AEBP2: variants seen among roughly 807,000 people sequenced by gnomAD.
AEBP2 encodes AE binding protein 2.
Under a neutral mutation model 50.8 loss-of-function variants are expected in AEBP2, and 10 were observed. The ratio of observed to expected loss-of-function variants is 0.20; its 90% CI spans 0.12 to 0.33. AEBP2 has a LOEUF of 0.33. Among genes scored for constraint, AEBP2 ranks in the 10% least tolerant of loss-of-function variants. The pLI is 1.00. For missense variants in AEBP2, 570 were observed against 688.0 expected (o/e 0.83, Z 1.92); for synonymous variants, 296 against 261.3 (o/e 1.13, Z -1.28).
intron 5 of AEBP2, among the ~76,000 whole-genome samples, chr12:19,504,380 G>GCCCC (rs55796210): frequency 0.016 from 2,344 of 148,980 alleles, 24 homozygotes; most frequent in East Asian, 0.025. Flanking sequence ...GAATACAGGC[G>GCCCC]CCCCCCCCAC....
intron 1 of AEBP2, among the ~76,000 whole-genome samples, chr12:19,455,483 T>TTATGGA (rs1434841714): frequency 6.6e-6 from 1 of 152,182 alleles, no homozygotes; most frequent in Non-Finnish European, 1.5e-5. Flanking sequence ...CATCCATGTA[T>TTATGGA]TGCTTCCTAT....
intron 5 of AEBP2, among the ~76,000 whole-genome samples, chr12:19,509,942 C>T (rs1314338624): frequency 6.9e-6 from 1 of 145,884 alleles, no homozygotes; most frequent in East Asian, 2.0e-4. Flanking sequence ...AAGCAATTCT[C>T]CTGCCTCAGC....
chr12:19,514,574 G>A, intron 6 of AEBP2, 97 bp from the exon 7 acceptor site: 1 of 936,812 alleles, frequency 1.1e-6, no homozygotes, highest in East Asian at 2.7e-5. Context: ...AACGTGGACT[G>A]ATCAAAGTAG....
intron 3 of AEBP2, among the ~76,000 whole-genome samples, chr12:19,478,142 T>C (rs1948677695): frequency 6.6e-6 from 1 of 152,230 alleles, no homozygotes; most frequent in South Asian, 2.1e-4. Flanking sequence ...CTTGTTCATT[T>C]ACCTTTTGTA....
chr12:19,497,328 G>GT (rs34011915), intron 4 of AEBP2, among the ~76,000 whole-genome samples: 34,553 of 78,388 alleles, frequency 0.44, 8,488 homozygotes, highest in Non-Finnish European at 0.53. Context: ...TTCCAAAGGT[G>GT]TTTTTTTTTT....
chr12:19,502,139 C>CT (rs1034186831), intron 5 of AEBP2, among the ~76,000 whole-genome samples: 5 of 151,740 alleles, frequency 3.3e-5, no homozygotes, highest in Admixed American at 6.6e-5. Context: ...TTTGTACCTA[C>CT]TTTTTTTTCT....
intron 7 of AEBP2, 23 bp from the exon 8 acceptor site, chr12:19,518,064 G>T: frequency 6.3e-7 from 1 of 1,587,786 alleles, no homozygotes; most frequent in Non-Finnish European, 8.6e-7. Context: ...TGAATAAAAG[G>T]ATTTCTTTTT....
At chr12:19,473,212 T>C in intron 2 of AEBP2, 36 bp from the exon 3 acceptor site, 1 of 1,043,298 alleles carries the variant, frequency 9.6e-7, no homozygotes, top group Non-Finnish European at 1.3e-6. Flanking sequence ...TTGAGATAAG[T>C]CATGAAAATT....
intron 3 of AEBP2, among the ~76,000 whole-genome samples, chr12:19,482,918 G>A (rs1156521808): frequency 3.3e-5 from 5 of 152,108 alleles, no homozygotes; most frequent in African/African-American, 1.2e-4. Flanking sequence ...CCCATGCAGT[G>A]GGTGAAGCCA....
At chr12:19,475,837 A>G (rs968207209) in intron 3 of AEBP2, among the ~76,000 whole-genome samples, 1 of 152,038 alleles carries the variant, frequency 6.6e-6, no homozygotes, top group Non-Finnish European at 1.5e-5. Context: ...AGAAATGCTT[A>G]TTCATGTAAT....
Position 19,441,605 on chromosome 12 carries a change from G to A in AEBP2, c.671+1235G>A, listed in dbSNP as rs530673990. 3.3e-4 allele frequency among the ~76,000 whole-genome samples: 51 copies of A among 152,318 alleles called. 1 individual carries two copies. In the South Asian group the frequency reaches 0.011, roughly 32 times the overall value. On this transcript the variant is annotated intron_variant, in intron 1 of 7. Coordinates refer to ENST00000266508, the MANE Select transcript of AEBP2 (RefSeq NM_153207.5). ...AGTATTTAATGCTACAAGTAATACA[G>A]AGTCCTGGATATTTTGAAAATCTGG...
chr12:19,417,884 T>C (rs949645820), intron 1 of AEBP2, among the ~76,000 whole-genome samples: 1 of 152,028 alleles, frequency 6.6e-6, no homozygotes, highest in Non-Finnish European at 1.5e-5. Flanking sequence ...TTTGTGTTTT[T>C]AGTAGAGATG....
intron 1 of AEBP2, among the ~76,000 whole-genome samples, chr12:19,409,764 TGTC>T (rs2095738291): frequency 1.3e-5 from 2 of 152,200 alleles, no homozygotes; most frequent in Non-Finnish European, 2.9e-5. Flanking sequence ...TTCATTATAA[TGTC>T]GTGGGCTTTG....
At chr12:19,457,410 A>C in intron 1 of AEBP2, 1 of 1,487,128 alleles carries the variant, frequency 6.7e-7, no homozygotes, top group Non-Finnish European at 9.2e-7. Context: ...GCTGTTCTCA[A>C]ATTTCCACAA....
intron 1 of AEBP2, among the ~76,000 whole-genome samples, chr12:19,416,913 C>T (rs1336703874): frequency 1.4e-5 from 2 of 141,964 alleles, no homozygotes; most frequent in African/African-American, 5.3e-5. Flanking sequence ...GCTCTGTCGC[C>T]CGGGCTGGAG....
At chr12:19,503,078 C>T (rs1311999665) in intron 5 of AEBP2, among the ~76,000 whole-genome samples, 1 of 152,142 alleles carries the variant, frequency 6.6e-6, no homozygotes, top group Non-Finnish European at 1.5e-5. Flanking sequence ...TCTTTGCGCT[C>T]CTTTTCATTC....
intron 1 of AEBP2, among the ~76,000 whole-genome samples, chr12:19,432,215 G>T (rs1034084024): frequency 2.0e-5 from 3 of 152,074 alleles, no homozygotes; most frequent in Admixed American, 2.0e-4. Flanking sequence ...CAAATCTGTC[G>T]CCAGTCTAGG....
intron 5 of AEBP2, among the ~76,000 whole-genome samples, chr12:19,500,767 A>G (rs10841242): frequency 0.6 from 91,958 of 152,074 alleles, 29,417 homozygotes; most frequent in Non-Finnish European, 0.73. Context: ...TGCCTGGCAC[A>G]TGGTAGGCAC....
intron 2 of AEBP2, chr12:19,466,720 A>C (rs1301749507): frequency 2.3e-6 from 2 of 865,178 alleles, no homozygotes; most frequent in East Asian, 2.4e-4. Context: ...ATTTTTTTAG[A>C]TTTCTTATTT....
Sources: gnomAD v4.1 joint callset for allele counts (sites outside exome capture counted in the v4.1 genomes callset) on GRCh38, gnomAD v4.1.1 for gene constraint, MANE v1.5 for transcripts, NCBI Gene and HGNC (gene_info 2026-07-23, HGNC 2026-07-21) for gene names.